Variants in KRTAP5-5 observed in about 807,000 individuals in gnomAD.
KRTAP5-5 encodes keratin associated protein 5-5.
KRTAP5-5 carries 1 observed loss-of-function variant against 2.8 expected under a neutral mutation model. The observed-to-expected ratio is 0.35, with a 90% CI of 0.13 to 1.67. The LOEUF (loss-of-function observed/expected upper bound fraction) is 1.67. KRTAP5-5 is among the 40% of genes most tolerant of loss of function. The pLI, the probability that KRTAP5-5 is intolerant of heterozygous loss-of-function variation, is 0.35. For synonymous variants in KRTAP5-5, 83 were observed against 110.6 expected (o/e 0.75, Z 1.57); for missense variants, 134 against 270.9 (o/e 0.49, Z 3.55).
exon 1 of KRTAP5-5, chr11:1,630,453 T>C (rs1478153760): frequency 2.5e-6 from 4 of 1,588,528 alleles, no homozygotes; most frequent in African/African-American, 1.4e-5. Context: ...CTGTAGCTGC[T>C]TCTCAGGCTG....
chr11:1,630,051 C>T (rs201348306), exon 1 of KRTAP5-5: 114 of 1,609,478 alleles, frequency 7.1e-5, no homozygotes, highest in Non-Finnish European at 1.8e-5. Context: ...CTGCTGCAAG[C>T]CCATGTGCTG....
At chr11:1,630,679 C>T (rs1453799396) in exon 1 of KRTAP5-5, 5 of 1,307,684 alleles carry the variant, frequency 3.8e-6, no homozygotes, top group African/African-American at 1.5e-5. Flanking sequence ...CCACTCCACA[C>T]CAGTGCTCCC....
At chr11:1,630,681 A>C (rs1293508513) in exon 1 of KRTAP5-5, 20 of 1,303,566 alleles carry the variant, frequency 1.5e-5, no homozygotes, top group Non-Finnish European at 2.2e-5. Flanking sequence ...ACTCCACACC[A>C]GTGCTCCCGA....
exon 1 of KRTAP5-5, chr11:1,629,775 G>A: frequency 6.2e-7 from 1 of 1,610,234 alleles, no homozygotes; most frequent in Non-Finnish European, 8.5e-7. Context: ...GGGCTCAGGG[G>A]GCTCCACACC....
chr11:1,630,449 C>T lies in KRTAP5-5; in HGVS notation c.609C>T (p.Ser203=), dbSNP rs759345977. The T allele has an allele frequency of 1.6e-5, 26 of 1,604,488 alleles. No individual in the cohort carries two copies. In the Admixed American group the frequency reaches 4.4e-4, roughly 27 times the overall value. ...AGTCCAGCTGCTGTAAGCCCTGTAG[C>T]TGCTTCTCAGGCTGTGGATCATCCT... Residue 203 remains serine, a synonymous_variant, in exon 1 of 1, where the codon AGC becomes AGT. Coordinates refer to ENST00000399676, the Ensembl canonical transcript of KRTAP5-5.
exon 1 of KRTAP5-5, chr11:1,629,854 G>A: frequency 1.4e-6 from 2 of 1,403,846 alleles, no homozygotes; most frequent in Non-Finnish European, 1.9e-6. Flanking sequence ...GGCTGCTGTG[G>A]CTGCTCCGGA....
exon 1 of KRTAP5-5, chr11:1,630,697 A>AT: frequency 1.5e-5 from 16 of 1,086,936 alleles, no homozygotes; most frequent in Admixed American, 4.1e-5. Flanking sequence ...CCCGAAACTG[A>AT]CTGAGGACCC....
chr11:1,629,920 G>T, exon 1 of KRTAP5-5: 1 of 1,597,282 alleles, frequency 6.3e-7, no homozygotes, highest in Non-Finnish European at 8.5e-7. Context: ...TGTGGCTCCG[G>T]CTGTGGAGGC....
exon 1 of KRTAP5-5, chr11:1,630,497 G>T (rs779433206): frequency 6.2e-7 from 1 of 1,611,726 alleles, no homozygotes; most frequent in South Asian, 1.1e-5. Flanking sequence ...GCTGCTACAA[G>T]CCCTGCTGCT....
At chr11:1,630,807 G>C, downstream of KRTAP5-5, 3 of 609,190 alleles carry the variant, frequency 4.9e-6, no homozygotes, top group Non-Finnish European at 8.9e-6. Flanking sequence ...AGGCAGATCA[G>C]ACCCCTTAGA....
At chr11:1,630,105 T>G in exon 1 of KRTAP5-5, 1 of 1,609,484 alleles carries the variant, frequency 6.2e-7, no homozygotes, top group Non-Finnish European at 8.5e-7. Flanking sequence ...CAAAGGGGGC[T>G]GTGGCTCTTG....
chr11:1,630,665 T>A, exon 1 of KRTAP5-5: 1 of 1,422,558 alleles, frequency 7.0e-7, no homozygotes, highest in Non-Finnish European at 9.8e-7. Flanking sequence ...CTCACTGGCT[T>A]CATCCACTCC....
chr11:1,630,762 C>T (rs1849751470), downstream of KRTAP5-5: 1 of 714,490 alleles, frequency 1.4e-6, no homozygotes, highest in Non-Finnish European at 2.4e-6. Flanking sequence ...GCTCCTCACT[C>T]ATTTAAGATC....
At chr11:1,630,497 G>A in exon 1 of KRTAP5-5, 1 of 1,611,726 alleles carries the variant, frequency 6.2e-7, no homozygotes, top group Non-Finnish European at 8.5e-7. Flanking sequence ...GCTGCTACAA[G>A]CCCTGCTGCT....
chr11:1,629,832 A>G (rs532347174), exon 1 of KRTAP5-5: 1 of 1,574,132 alleles, frequency 6.4e-7, no homozygotes, highest in South Asian at 1.1e-5. Flanking sequence ...CCCTCAATCC[A>G]CCAGAACCAT....
In KRTAP5-5 at chr11:1,630,094, G is replaced by A. The variant is rs1849731657; in HGVS notation, c.254G>A (p.Gly85Asp). ...CCAGCTTGTTCCTGCTCCAGCTGTG[G>A]CAAAGGGGGCTGTGGCTCTTGCGGG... The change falls in exon 1 of 1, where the codon GGC (glycine) becomes GAC (aspartate). Residue 85 changes from glycine to aspartate, a missense_variant. Transcript: ENST00000399676. The A allele has an allele frequency of 2.5e-6, 4 of 1,611,622 alleles. No individual in the cohort carries two copies. The East Asian group carries it at 6.7e-5, about 27-fold the overall frequency.
exon 1 of KRTAP5-5, chr11:1,629,939 TGGCTGTGGGGGCTGTGGCTCC>T (rs1849723037): frequency 1.5e-6 from 2 of 1,318,186 alleles, no homozygotes; most frequent in Non-Finnish European, 2.1e-6. Context: ...GCTGTGGCTC[TGGCTGTGGGGGCTGTGGCTCC>T]GGCTGTGGAG....
At chr11:1,630,760 C>A, downstream of KRTAP5-5, 1 of 723,044 alleles carries the variant, frequency 1.4e-6, no homozygotes, top group South Asian at 1.9e-5. Flanking sequence ...CTGCTCCTCA[C>A]TCATTTAAGA....
exon 1 of KRTAP5-5, chr11:1,629,814 C>T (rs1349759054): frequency 2.4e-5 from 39 of 1,610,972 alleles, no homozygotes; most frequent in Non-Finnish European, 3.3e-5. Context: ...GCTCCTCTAC[C>T]TGCTCCACCC....
Sources: gnomAD v4.1 joint callset for allele counts on GRCh38, gnomAD v4.1.1 for gene constraint, MANE v1.5 for transcripts, NCBI Gene and HGNC (gene_info 2026-07-23, HGNC 2026-07-21) for gene names.